SPECC1: variants seen among roughly 807,000 people sequenced by gnomAD.
SPECC1 encodes cytospin-B.
A neutral mutation model predicts 104.1 loss-of-function variants in SPECC1; 62 were observed. That is an observed-to-expected ratio of 0.60 (90% CI 0.49 to 0.74). The LOEUF is 0.74. Among genes scored for constraint, SPECC1 ranks in the 30% least tolerant of loss-of-function variants. The pLI is 0.00. For missense variants in SPECC1, 1,306 were observed against 1,310.5 expected, an observed-to-expected ratio of 1.00 and a Z score of 0.05; for synonymous variants, 513 against 501.6, an observed-to-expected ratio of 1.02 and a Z score of -0.30.
At chr17:20,056,515 A>C (rs4005937) in intron 1 of SPECC1, 110,861 of 214,738 alleles carry the variant, frequency 0.52, 29,363 homozygotes, top group Middle Eastern at 0.64. Flanking sequence ...GCTTCAAGGG[A>C]TTAGGAAGCC....
intron 1 of SPECC1, chr17:20,017,501 C>T (rs1278990674): frequency 1.3e-5 from 2 of 153,140 alleles, no homozygotes; most frequent in African/African-American, 4.8e-5. Flanking sequence ...ACGCTCACCG[C>T]GAGGGTCCAC....
At chr17:20,032,604 T>G (rs1284246759) in intron 1 of SPECC1, among the ~76,000 whole-genome samples, 2 of 152,186 alleles carry the variant, frequency 1.3e-5, no homozygotes, top group East Asian at 3.8e-4. Context: ...CTCCGGAATT[T>G]CCATTGTATT....
intron 4 of SPECC1, among the ~76,000 whole-genome samples, chr17:20,219,562 A>G (rs1482687057): frequency 6.6e-6 from 1 of 152,108 alleles, no homozygotes; most frequent in Non-Finnish European, 1.5e-5. Context: ...AGCTCCTTAT[A>G]TATTCTGGTT....
chr17:20,077,614 C>A (rs557920031), intron 1 of SPECC1, among the ~76,000 whole-genome samples: 2 of 151,982 alleles, frequency 1.3e-5, no homozygotes, highest in South Asian at 4.2e-4. Context: ...TTATAGGCAC[C>A]CGCCACCACG....
At chr17:20,180,779 A>G (rs368516799) in intron 3 of SPECC1, among the ~76,000 whole-genome samples, 21 of 152,334 alleles carry the variant, frequency 1.4e-4, no homozygotes, top group African/African-American at 4.6e-4. Context: ...CAAAAAAGCA[A>G]AAGTATAGAG....
intron 3 of SPECC1, among the ~76,000 whole-genome samples, chr17:20,173,930 T>G (rs1054180730): frequency 5.7e-3 from 65 of 11,328 alleles, no homozygotes; most frequent in Admixed American, 0.032. Flanking sequence ...TTTTTGGTGT[T>G]TTTTTTTTTT....
chr17:20,041,611 T>G (rs2045330125), intron 1 of SPECC1, among the ~76,000 whole-genome samples: 2 of 150,190 alleles, frequency 1.3e-5, no homozygotes, highest in Admixed American at 6.7e-5. Flanking sequence ...TTGTAGTTGT[T>G]TGTTGAGGCT....
At chr17:20,219,533 T>C (rs1201272624) in intron 4 of SPECC1, among the ~76,000 whole-genome samples, 1 of 152,188 alleles carries the variant, frequency 6.6e-6, no homozygotes, top group African/African-American at 2.4e-5. Flanking sequence ...TAGATTTTTT[T>C]CCCCCATTGA....
Position 20,306,060 on chromosome 17 carries a change from G to T in SPECC1, c.3095G>T (p.Ser1032Ile). ...TTGTTGGCATTTGAAGCGGCTGAAA[G>T]TGTAGGCATCAAACCCAGCCTGGTA... ...NLLLAFEAAE[S>I]VGIKPSLELS... Residue 1032 changes from serine to isoleucine, a missense_variant, in exon 14 of 15, where the codon AGT (serine) becomes ATT (isoleucine). By Grantham distance (142) the Ser-to-Ile change is moderately radical. Transcript: ENST00000395527. 1 of 1,613,992 alleles carries T rather than the reference G, an allele frequency of 6.2e-7. No homozygotes were observed. Among genetic ancestry groups the T allele is most frequent in the Non-Finnish European group, 8.5e-7 (1 of 1,179,982 alleles).
intron 13 of SPECC1, among the ~76,000 whole-genome samples, chr17:20,303,604 A>AT (rs1339514761): frequency 6.6e-6 from 1 of 152,172 alleles, no homozygotes; most frequent in African/African-American, 2.4e-5. Flanking sequence ...AAAGGGTATA[A>AT]AATGATGTAT....
At chr17:20,012,455 G>A (rs970212722) in intron 1 of SPECC1, among the ~76,000 whole-genome samples, 1 of 151,162 alleles carries the variant, frequency 6.6e-6, no homozygotes, top group African/African-American at 2.4e-5. Flanking sequence ...GTGCTTAAAG[G>A]TTCACAATTC....
At chr17:20,251,107 AC>A (rs1410956335) in intron 9 of SPECC1, among the ~76,000 whole-genome samples, 1 of 151,130 alleles carries the variant, frequency 6.6e-6, no homozygotes, top group African/African-American at 2.4e-5. Flanking sequence ...CACGCCTGTA[AC>A]CCCCAGCTAC....
At chr17:20,067,444 A>G (rs2046396956) in intron 1 of SPECC1, 1 of 152,136 alleles carries the variant, frequency 6.6e-6, no homozygotes, top group South Asian at 2.1e-4. Context: ...CGCCCAACCT[A>G]ACCATTCTTA....
intron 1 of SPECC1, among the ~76,000 whole-genome samples, chr17:20,040,414 T>G (rs2045278004): frequency 6.6e-6 from 1 of 152,214 alleles, no homozygotes; most frequent in African/African-American, 2.4e-5. Context: ...TTTTGCTTAC[T>G]ATGTTATTTC....
At chr17:20,209,699 C>T (rs1437991835) in intron 4 of SPECC1, among the ~76,000 whole-genome samples, 2 of 152,126 alleles carry the variant, frequency 1.3e-5, no homozygotes, top group Admixed American at 1.3e-4. Flanking sequence ...GTCTGATTTC[C>T]ACAGAACCCA....
chr17:20,111,165 A>G (rs2048471530), intron 3 of SPECC1, among the ~76,000 whole-genome samples: 1 of 152,242 alleles, frequency 6.6e-6, no homozygotes, highest in South Asian at 2.1e-4. Flanking sequence ...CTCTTTGTGC[A>G]TATAGATAAT....
At chr17:20,054,316 GTC>G (rs1258230940) in intron 1 of SPECC1, among the ~76,000 whole-genome samples, 1 of 152,204 alleles carries the variant, frequency 6.6e-6, no homozygotes, top group African/African-American at 2.4e-5. Flanking sequence ...TCCAGCTCCT[GTC>G]TCTCCTGCAG....
intron 4 of SPECC1, among the ~76,000 whole-genome samples, chr17:20,220,283 T>C (rs1407741645): frequency 2.0e-5 from 3 of 152,134 alleles, no homozygotes; most frequent in African/African-American, 7.2e-5. Context: ...TTTTAACATA[T>C]TGACTTATCC....
intron 3 of SPECC1, among the ~76,000 whole-genome samples, chr17:20,152,706 T>C (rs1384582780): frequency 6.6e-6 from 1 of 152,212 alleles, no homozygotes; most frequent in African/African-American, 2.4e-5. Context: ...GGAGTCTTGC[T>C]CTGTTGCCAG....
Sources: gnomAD v4.1 joint callset for allele counts (sites outside exome capture counted in the v4.1 genomes callset) on GRCh38, gnomAD v4.1.1 for gene constraint, MANE v1.5 for transcripts, NCBI Gene and HGNC (gene_info 2026-07-23, HGNC 2026-07-21) for gene names.